Variants in MARK2 observed in about 807,000 individuals in gnomAD.
The protein encoded by MARK2 is microtubule affinity regulating kinase 2, also known as serine/threonine-protein kinase MARK2.
Under a neutral mutation model 89.8 loss-of-function variants are expected in MARK2, and 16 were observed. The observed-to-expected ratio is 0.18, with a 90% CI of 0.12 to 0.27. The LOEUF is 0.27. Ranked by LOEUF, MARK2 falls within the 10% of genes least tolerant of loss-of-function variation. The probability of loss-of-function intolerance (pLI) is 1.00; values close to 1 mark genes in which losing one functional copy is unlikely to be tolerated. For missense variants in MARK2, 621 were observed against 1,049.9 expected (o/e 0.59, Z 5.65); for synonymous variants, 382 against 399.5 (o/e 0.96, Z 0.52).
At chr11:63,842,426 A>G (rs1277582753) in intron 1 of MARK2, among the ~76,000 whole-genome samples, 1 of 152,112 alleles carries the variant, frequency 6.6e-6, no homozygotes, top group Non-Finnish European at 1.5e-5. Flanking sequence ...CATGTTGTCC[A>G]GGATGGTCTC....
At chr11:63,890,187 T>C in intron 1 of MARK2, 2 of 1,303,666 alleles carry the variant, frequency 1.5e-6, no homozygotes, top group Non-Finnish European at 2.0e-6. Flanking sequence ...CTCTCTCCTC[T>C]CTTTTCCCTT....
intron 1 of MARK2, among the ~76,000 whole-genome samples, chr11:63,871,866 G>C (rs911325224): frequency 4.0e-5 from 6 of 150,956 alleles, no homozygotes; most frequent in African/African-American, 1.5e-4. Context: ...ACTGTGTGCA[G>C]GTGTGGGTGA....
At chr11:63,846,659 T>A (rs1310031983) in intron 1 of MARK2, among the ~76,000 whole-genome samples, 1 of 135,978 alleles carries the variant, frequency 7.4e-6, no homozygotes, top group Non-Finnish European at 1.6e-5. Flanking sequence ...CAAAAAAAAT[T>A]TTTTTTTTTT....
intron 1 of MARK2, among the ~76,000 whole-genome samples, chr11:63,846,517 C>T (rs1345737879): frequency 1.3e-5 from 2 of 151,390 alleles, no homozygotes; most frequent in Non-Finnish European, 2.9e-5. Context: ...CACTGTACCC[C>T]GCTAATTTTT....
Position 63,902,545 on chromosome 11 carries a change from G to T in MARK2, c.1235-56G>T. 1.3e-6 allele frequency: 2 copies of T among 1,527,138 alleles called. No homozygotes were observed. The highest frequency in any genetic ancestry group is 1.8e-6 in the Non-Finnish European group (2 of 1,112,154). 94.6% of individuals were successfully genotyped at this position (1,527,138 alleles called of 1,614,324 possible). On this transcript the variant is annotated intron_variant, in intron 12 of 18. Coordinates refer to ENST00000402010, the MANE Select transcript of MARK2 (RefSeq NM_001039469.3). The surrounding 1 kb of genome is among the most constrained non-coding windows in gnomAD (Gnocchi z 4.2). Reference sequence around the variant, plus strand: ...CCTGTAGGAAATGAGCATGCGTGGGGCTGGCACTCAGTGGACCCCTTGGCC... The same window carrying T: ...CCTGTAGGAAATGAGCATGCGTGGGTCTGGCACTCAGTGGACCCCTTGGCC...
At chr11:63,874,992 C>T (rs565234824) in intron 1 of MARK2, among the ~76,000 whole-genome samples, 4 of 152,198 alleles carry the variant, frequency 2.6e-5, no homozygotes, top group South Asian at 4.1e-4. Context: ...ACTCTGTCGC[C>T]CAGGCTGGAG....
At chr11:63,869,939 G>A (rs368137373) in intron 1 of MARK2, among the ~76,000 whole-genome samples, 5 of 152,172 alleles carry the variant, frequency 3.3e-5, no homozygotes, top group African/African-American at 7.2e-5. Context: ...GCTCGTCTCC[G>A]GTGCCTCATT....
Position 63,905,061 on chromosome 11 carries a change from G to C in MARK2, c.1934+18G>C. On this transcript the variant is annotated intron_variant, in intron 16 of 18. Coordinates refer to ENST00000402010, the MANE Select transcript of MARK2 (RefSeq NM_001039469.3). The stretch of plus-strand genomic sequence containing the variant: ...GTACGCAGGTAAGCAAGGAGCTTTG[G>C]GTGGCAGAGAGGCTCAGGCCAGGCC... The C allele has an allele frequency of 6.2e-7, 1 of 1,609,666 alleles. No individual in the cohort carries two copies. The highest frequency in any genetic ancestry group is 8.5e-7 in the Non-Finnish European group (1 of 1,176,820).
intron 1 of MARK2, among the ~76,000 whole-genome samples, chr11:63,881,229 C>T (rs1939069620): frequency 6.6e-6 from 1 of 151,716 alleles, no homozygotes; most frequent in South Asian, 2.1e-4. Context: ...CGCTTGAACT[C>T]GGGAGGCAGA....
At chr11:63,851,335 A>C (rs1214622012) in intron 1 of MARK2, among the ~76,000 whole-genome samples, 1 of 152,084 alleles carries the variant, frequency 6.6e-6, no homozygotes, top group Non-Finnish European at 1.5e-5. Flanking sequence ...GATGCCAGGC[A>C]TAGTGGAGGC....
rs1940567653 is a variant in MARK2, at chr11:63,898,112, AT to A, written c.289-116del. On this transcript the variant is annotated intron_variant, in intron 3 of 18. Coordinates refer to ENST00000402010, the MANE Select transcript of MARK2 (RefSeq NM_001039469.3). ...CGTGCATGAGCTAGACAACCACCCT[AT>A]TTTCTTTTCCCTGCCCGGTTTTGGT... 5 of 794,190 alleles carry A rather than the reference AT, an allele frequency of 6.3e-6. No homozygotes were observed. In the East Asian group the frequency reaches 1.2e-4, roughly 20 times the overall value. The allele number at this position is 794,190 out of a possible 1,614,324, so 49.2% of individuals were successfully genotyped here.
chr11:63,859,114 C>T (rs1020309030), intron 1 of MARK2, among the ~76,000 whole-genome samples: 6 of 151,398 alleles, frequency 4.0e-5, no homozygotes, highest in Non-Finnish European at 8.8e-5. Flanking sequence ...GGCTATTGGT[C>T]AGTTCCAAAT....
intron 1 of MARK2, among the ~76,000 whole-genome samples, chr11:63,875,706 A>G (rs2135274855): frequency 6.6e-6 from 1 of 152,318 alleles, no homozygotes; most frequent in South Asian, 2.1e-4. Flanking sequence ...ATAAAACTCA[A>G]CACCAAAAAT....
intron 17 of MARK2, among the ~76,000 whole-genome samples, chr11:63,906,639 T>C (rs1259762742): frequency 6.6e-6 from 1 of 152,082 alleles, no homozygotes; most frequent in Non-Finnish European, 1.5e-5. Flanking sequence ...TTTCCTGAAC[T>C]TCAGAGCTAT....
rs972545909 is a variant in MARK2 at position 63,902,540 on chromosome 11, G to A, written c.1235-61G>A. ...CCAGCCCTGTAGGAAATGAGCATGC[G>A]TGGGGCTGGCACTCAGTGGACCCCT... On this transcript the variant is annotated intron_variant, in intron 12 of 18. Coordinates refer to ENST00000402010, the MANE Select transcript of MARK2 (RefSeq NM_001039469.3). This position sits in a 1 kb window ranked among gnomAD's most constrained non-coding sequence, Gnocchi z 4.2. The A allele has an allele frequency of 1.2e-5, 18 of 1,508,512 alleles. No individual in the cohort carries two copies. Among genetic ancestry groups the A allele is most frequent in the Admixed American group, 7.1e-5 (4 of 56,058 alleles). The allele number at this position is 1,508,512 out of a possible 1,614,324, so 93.4% of individuals were successfully genotyped here. A position where few individuals can be genotyped will look rare whatever the true frequency, so the allele number is the denominator to read the frequency against.
At chr11:63,887,670 G>A (rs751068632) in intron 1 of MARK2, among the ~76,000 whole-genome samples, 1 of 152,196 alleles carries the variant, frequency 6.6e-6, no homozygotes, top group African/African-American at 2.4e-5. Flanking sequence ...ATGAGAAATT[G>A]TTCTGAGAAC....
chr11:63,885,036 G>C (rs1939311190), intron 1 of MARK2, among the ~76,000 whole-genome samples: 1 of 152,046 alleles, frequency 6.6e-6, no homozygotes, highest in Non-Finnish European at 1.5e-5. Flanking sequence ...AATCCTGTCT[G>C]TACAAAAAAT....
chr11:63,899,022 C>G (rs1290364281), intron 6 of MARK2, 30 bp from the exon 7 acceptor site: 1 of 1,562,044 alleles, frequency 6.4e-7, no homozygotes, highest in Admixed American at 1.7e-5. Context: ...CTCAGGCACC[C>G]CTGGGTTAAC....
chr11:63,842,635 C>T (rs1006776791), intron 1 of MARK2, among the ~76,000 whole-genome samples: 2 of 151,950 alleles, frequency 1.3e-5, no homozygotes, highest in South Asian at 2.1e-4. Flanking sequence ...CTTCTTGGTC[C>T]TGTTGTGATT....
Sources: gnomAD v4.1 joint callset for allele counts (sites outside exome capture counted in the v4.1 genomes callset) on GRCh38, gnomAD v4.1.1 for gene constraint, Gnocchi (gnomAD v3.1) non-coding constraint, MANE v1.5 for transcripts, NCBI Gene and HGNC (gene_info 2026-07-23, HGNC 2026-07-21) for gene names.